Variants in AGTPBP1 observed in about 807,000 individuals in gnomAD.
AGTPBP1 encodes cytosolic carboxypeptidase 1.
A neutral mutation model predicts 143.9 loss-of-function variants in AGTPBP1; 70 were observed. The ratio of observed to expected loss-of-function variants is 0.49; its 90% CI spans 0.40 to 0.59. The LOEUF (loss-of-function observed/expected upper bound fraction) is 0.59, where lower values mean the gene tolerates loss of function less well. Among genes scored for constraint, AGTPBP1 ranks in the 20% least tolerant of loss-of-function variants. The probability of loss-of-function intolerance (pLI) is 0.00; values close to 1 mark genes in which losing one functional copy is unlikely to be tolerated. For synonymous variants in AGTPBP1, 463 were observed against 500.2 expected (o/e 0.93, Z 0.99); for missense variants, 1,229 against 1,464.5 (o/e 0.84, Z 2.62).
At chr9:85,615,581 T>C (rs1398272272) in intron 17 of AGTPBP1, among the ~76,000 whole-genome samples, 3 of 152,110 alleles carry the variant, frequency 2.0e-5, no homozygotes, top group East Asian at 1.9e-4. Context: ...TGAGCTTTCA[T>C]ACTATAATCC....
At chr9:85,690,219 T>C (rs997897416) in intron 3 of AGTPBP1, among the ~76,000 whole-genome samples, 1 of 152,200 alleles carries the variant, frequency 6.6e-6, no homozygotes, top group Non-Finnish European at 1.5e-5. Context: ...ATTTCTTGGT[T>C]GTTTGCATTT....
chr9:85,696,861 C>G (rs967741108), intron 2 of AGTPBP1, among the ~76,000 whole-genome samples: 11 of 152,136 alleles, frequency 7.2e-5, no homozygotes, highest in Admixed American at 4.6e-4. Context: ...TTGTAACTAA[C>G]CTATACGACA....
At chr9:85,785,845 A>G in the AGTPBP1 span, 43 of 238,210 alleles carry the variant, frequency 1.8e-4, no homozygotes, top group African/African-American at 9.5e-4. Flanking sequence ...AGGGAGTACC[A>G]AACCCCCAAA....
chr9:85,672,061 A>C (rs1449343896), intron 7 of AGTPBP1, among the ~76,000 whole-genome samples: 2 of 150,418 alleles, frequency 1.3e-5, no homozygotes, highest in African/African-American at 4.9e-5. Context: ...TCAAGGTTTT[A>C]CCAACTTAAC....
At chr9:85,678,725 T>G (rs1247895183) in intron 4 of AGTPBP1, among the ~76,000 whole-genome samples, 2 of 152,240 alleles carry the variant, frequency 1.3e-5, no homozygotes, top group Non-Finnish European at 2.9e-5. Context: ...TGGTGACTAC[T>G]CAATCACTTA....
intron 21 of AGTPBP1, among the ~76,000 whole-genome samples, chr9:85,587,423 A>G (rs992674166): frequency 5.3e-5 from 8 of 152,188 alleles, no homozygotes; most frequent in Non-Finnish European, 1.2e-4. Context: ...GTTGTAAAAC[A>G]TCAAATACCT....
At chr9:85,600,649 G>C (rs113391828) in intron 17 of AGTPBP1, among the ~76,000 whole-genome samples, 1,809 of 152,146 alleles carry the variant, frequency 0.012, 36 homozygotes, top group African/African-American at 0.041. Context: ...TCCTAGCCAG[G>C]GGGGAGCCCT....
the AGTPBP1 span, among the ~76,000 whole-genome samples, chr9:85,757,330 G>A: frequency 1.3e-5 from 2 of 152,044 alleles, no homozygotes; most frequent in Non-Finnish European, 2.9e-5. Context: ...CTCCCAAAGT[G>A]CTGGAATTAC....
intron 21 of AGTPBP1, among the ~76,000 whole-genome samples, chr9:85,587,630 A>C (rs1828698163): frequency 6.6e-6 from 1 of 152,202 alleles, no homozygotes; most frequent in Admixed American, 6.5e-5. Context: ...TAATTTCCTA[A>C]AATACGAGAA....
At chr9:85,691,339 A>G (rs1835860984) in intron 3 of AGTPBP1, among the ~76,000 whole-genome samples, 1 of 152,194 alleles carries the variant, frequency 6.6e-6, no homozygotes, top group South Asian at 2.1e-4. Context: ...AGAAGGGTTA[A>G]TAGACACTGA....
the AGTPBP1 span, among the ~76,000 whole-genome samples, chr9:85,761,773 T>C: frequency 1.3e-5 from 2 of 152,052 alleles, no homozygotes; most frequent in Non-Finnish European, 2.9e-5. Context: ...AATTGACAAA[T>C]GGGATCTAAT....
chr9:85,743,095 G>A (rs982731983), upstream of AGTPBP1, among the ~76,000 whole-genome samples: 5 of 152,112 alleles, frequency 3.3e-5, no homozygotes, highest in African/African-American at 1.2e-4. Context: ...ATAGGTTACG[G>A]TATTTAAAAT....
At chr9:85,630,779 C>A (rs1831625627) in intron 14 of AGTPBP1, among the ~76,000 whole-genome samples, 1 of 152,092 alleles carries the variant, frequency 6.6e-6, no homozygotes, top group South Asian at 2.1e-4. Flanking sequence ...TGCACCCAGG[C>A]CCCAGGATCT....
chr9:85,572,739 G>C (rs1014481037), intron 25 of AGTPBP1, among the ~76,000 whole-genome samples: 1 of 152,120 alleles, frequency 6.6e-6, no homozygotes, highest in African/African-American at 2.4e-5. Context: ...AAGTTAAAAG[G>C]AGGCTTAAAT....
intron 12 of AGTPBP1, among the ~76,000 whole-genome samples, chr9:85,643,945 T>C (rs944391218): frequency 6.6e-6 from 1 of 152,196 alleles, no homozygotes. Context: ...ATTTACTTAC[T>C]ACCAGAGTAA....
the AGTPBP1 span, among the ~76,000 whole-genome samples, chr9:85,804,085 G>C: frequency 6.6e-6 from 1 of 151,686 alleles, no homozygotes; most frequent in African/African-American, 2.4e-5. Flanking sequence ...TTCCACCTCT[G>C]ATTTCTGCTT....
chr9:85,783,472 C>T, the AGTPBP1 span, among the ~76,000 whole-genome samples: 3 of 152,038 alleles, frequency 2.0e-5, no homozygotes, highest in Non-Finnish European at 4.4e-5. Flanking sequence ...TACACTATAT[C>T]CTGTCTCATA....
chr9:85,770,040 C>T, the AGTPBP1 span, among the ~76,000 whole-genome samples: 1 of 150,166 alleles, frequency 6.7e-6, no homozygotes, highest in Admixed American at 6.6e-5. Context: ...ATTGTGAGGG[C>T]TTAATGATTA....
At chr9:85,583,977 T>A (rs547160570) in intron 23 of AGTPBP1, among the ~76,000 whole-genome samples, 1 of 151,588 alleles carries the variant, frequency 6.6e-6, no homozygotes, top group East Asian at 2.0e-4. Context: ...AAGTGAGAAT[T>A]CCCTGAGAAG....
Sources: gnomAD v4.1 joint callset for allele counts (sites outside exome capture counted in the v4.1 genomes callset) on GRCh38, gnomAD v4.1.1 for gene constraint, MANE v1.5 for transcripts, NCBI Gene and HGNC (gene_info 2026-07-23, HGNC 2026-07-21) for gene names.